The following ADAMTS7 variants were observed in gnomAD, a reference collection of about 807,000 sequenced individuals.
ADAMTS7 encodes A disintegrin and metalloproteinase with thrombospondin motifs 7.
Under a neutral mutation model 172.6 loss-of-function variants are expected in ADAMTS7, and 89 were observed. The ratio of observed to expected loss-of-function variants is 0.52; its 90% confidence interval spans 0.43 to 0.61. The LOEUF (loss-of-function observed/expected upper bound fraction) is 0.61. Among genes scored for constraint, ADAMTS7 ranks in the 20% least tolerant of loss-of-function variants. The probability of loss-of-function intolerance (pLI) is 0.00; values close to 1 mark genes in which losing one functional copy is unlikely to be tolerated. For missense variants in ADAMTS7, 1,973 were observed against 2,355.6 expected, an observed-to-expected ratio of 0.84 and a Z score of 3.36; for synonymous variants, 885 against 978.4, an observed-to-expected ratio of 0.90 and a Z score of 1.78.
chr15:78,786,003 C>T (rs1490975558), intron 8 of ADAMTS7, among the ~76,000 whole-genome samples: 1 of 150,136 alleles, frequency 6.7e-6, no homozygotes, highest in Non-Finnish European at 1.5e-5. Flanking sequence ...GATCTTGGCT[C>T]ACTGCAACCT....
intron 4 of ADAMTS7, among the ~76,000 whole-genome samples, chr15:78,794,131 C>T (rs904879686): frequency 6.6e-6 from 1 of 152,168 alleles, no homozygotes; most frequent in Non-Finnish European, 1.5e-5. Context: ...CCCAGCTACT[C>T]AGGAGACTGA....
At chr15:78,805,941 A>C (rs1191550006) in intron 1 of ADAMTS7, among the ~76,000 whole-genome samples, 1 of 151,828 alleles carries the variant, frequency 6.6e-6, no homozygotes, top group Non-Finnish European at 1.5e-5. Context: ...TTAGCCAGGC[A>C]TGGTGGTGTA....
intron 2 of ADAMTS7, among the ~76,000 whole-genome samples, chr15:78,799,644 G>C: frequency 6.6e-6 from 1 of 151,740 alleles, no homozygotes; most frequent in Non-Finnish European, 1.5e-5. Context: ...TGCTTTTTCA[G>C]TTACTTAGTC....
At position 78,789,796 on chromosome 15, in the gene ADAMTS7, C is replaced by T. The variant is rs536138357; in HGVS notation, c.1071G>A (p.Leu357=). The change falls in exon 7 of 24, where the codon CTG becomes CTA. Residue 357 remains leucine, a synonymous_variant. Transcript: ENST00000388820. ...ACATGCCCGCCACATGGGACAGTCC[C>T]AGGGTCTCACAGGGCCGGTTCATGG... The part of the protein sequence containing the change: ...CAAMNRPCET[L]GLSHVAGMCQ... 3 of 1,606,868 alleles carry T rather than the reference C, an allele frequency of 1.9e-6. No homozygotes were observed. Among genetic ancestry groups the T allele is most frequent in the East Asian group, 2.2e-5 (1 of 44,590 alleles).
At position 78,776,242 on chromosome 15, in the gene ADAMTS7, G is replaced by A. The variant is rs1301198880; in HGVS notation, c.1652C>T (p.Ser551Leu). ...CTGTACGCCCATGCCACAGCTCCGTGAGCAGATGGACCAGGCGCTCCAGCC... is the reference window on the plus strand; with the variant it reads ...CTGTACGCCCATGCCACAGCTCCGTAAGCAGATGGACCAGGCGCTCCAGCC... ...WSGWSAWSIC[S>L]RSCGMGVQSA... Residue 551 changes from serine (S) to leucine (L), a missense_variant, in exon 11 of 24, where the codon TCA becomes TTA. Ser to Leu is a moderately radical substitution (Grantham distance 145, BLOSUM62 -2). Transcript: ENST00000388820. 6.8e-6 allele frequency: 11 copies of A among 1,611,674 alleles called. No homozygotes were observed. In the East Asian group the frequency reaches 8.9e-5, roughly 13 times the overall value.
At chr15:78,777,987 G>C (rs2141493173) in intron 8 of ADAMTS7, among the ~76,000 whole-genome samples, 1 of 152,324 alleles carries the variant, frequency 6.6e-6, no homozygotes, top group East Asian at 1.9e-4. Flanking sequence ...TCACATCACA[G>C]TTGACACAAC....
chr15:78,798,575 C>T (rs2055677067), intron 2 of ADAMTS7, among the ~76,000 whole-genome samples: 1 of 152,318 alleles, frequency 6.6e-6, no homozygotes, highest in East Asian at 1.9e-4. Context: ...CTCTATCTCC[C>T]TAAGGCAATG....
intron 3 of ADAMTS7, 143 bp downstream of exon 3, chr15:78,797,805 T>C: frequency 2.1e-6 from 2 of 963,940 alleles, no homozygotes; most frequent in African/African-American, 1.7e-5. Flanking sequence ...GGGCACAGGC[T>C]ATGGTAAAGT....
At chr15:78,804,869 A>G (rs897629711) in intron 1 of ADAMTS7, among the ~76,000 whole-genome samples, 3 of 152,234 alleles carry the variant, frequency 2.0e-5, no homozygotes, top group African/African-American at 7.2e-5. Context: ...AGACTCACTA[A>G]ATCAGCATTT....
intron 8 of ADAMTS7, among the ~76,000 whole-genome samples, chr15:78,778,614 G>A (rs1351258493): frequency 1.3e-5 from 2 of 152,184 alleles, no homozygotes; most frequent in African/African-American, 2.4e-5. Context: ...GGCTGGGGAC[G>A]ACCCAGGCAG....
chr15:78,805,527 T>A (rs1195352865), intron 1 of ADAMTS7, among the ~76,000 whole-genome samples: 2 of 152,202 alleles, frequency 1.3e-5, no homozygotes, highest in Non-Finnish European at 2.9e-5. Context: ...TTCCCAGTAC[T>A]GTGGCTGCAA....
At position 78,762,609 on chromosome 15, in the gene ADAMTS7, T is replaced by C. The variant is rs368156334; in HGVS notation, c.4741-44A>G. The C allele has an allele frequency of 1.8e-4, 229 of 1,238,330 alleles. 15 individuals carry two copies. The highest frequency in any genetic ancestry group is 2.3e-4 in the Non-Finnish European group (215 of 917,284). The allele number at this position is 1,238,330 out of a possible 1,614,324, so 76.7% of individuals were successfully genotyped here. On this transcript the variant is annotated intron_variant, in intron 22 of 23. Coordinates refer to ENST00000388820, the MANE Select transcript of ADAMTS7 (RefSeq NM_014272.5). ...GAATGAGTGTCTCCAGGGCCAGCCC[T>C]AGCAGTGGGGGCAGGGACACCTCCT...
At chr15:78,800,976 G>T (rs1428800886) in intron 1 of ADAMTS7, among the ~76,000 whole-genome samples, 1 of 152,068 alleles carries the variant, frequency 6.6e-6, no homozygotes, top group Non-Finnish European at 1.5e-5. Flanking sequence ...CCTGAACTCA[G>T]GTGATACGCT....
Position 78,766,634 on chromosome 15 carries a change from C to T in ADAMTS7, c.3277G>A (p.Asp1093Asn). Residue 1093 changes from aspartate (D) to asparagine (N), a missense_variant, in exon 19 of 24, where the codon GAC becomes AAC. Physicochemically the swap from Asp to Asn is conservative, Grantham distance 23 (BLOSUM62 1). Coordinates refer to ENST00000388820, the MANE Select transcript of ADAMTS7 (RefSeq NM_014272.5). ...EPDLDLAGTG[D>N]RTPPPHSHPA... ...TGGCTGTGTGGTGGGGGTGTCCGGT[C>T]CCCTGTCCCCGCCAGGTCTAGATCG... is the stretch of plus-strand genomic sequence containing the variant. 3.1e-6 allele frequency: 5 copies of T among 1,609,448 alleles called. No individual in the cohort carries two copies. Among genetic ancestry groups the T allele is most frequent in the Non-Finnish European group, 4.2e-6 (5 of 1,179,088 alleles).
chr15:78,766,182 C>T lies in ADAMTS7; in HGVS notation c.3729G>A (p.Leu1243=), dbSNP rs748268436. The T allele has an allele frequency of 6.2e-7, 1 of 1,611,670 alleles. No individual in the cohort carries two copies. The highest frequency in any genetic ancestry group is 1.1e-5 in the South Asian group (1 of 90,992). ...AGGAGTGGGTGCTGCCAACAGGGGA[C>T]AAAGGGGGCAGCGTGGAGCTGGGTC... ...PPRPSSTLPP[L]SPVGSTHSSP... The change falls in exon 19 of 24, where the codon TTG becomes TTA. Residue 1243 remains leucine, a synonymous_variant. Coordinates refer to ENST00000388820, the MANE Select transcript of ADAMTS7 (RefSeq NM_014272.5).
In ADAMTS7 at chr15:78,782,730, G is replaced by A. The variant is rs553251218; in HGVS notation, c.1323-5142C>T. Among the ~76,000 whole-genome samples, 382 of 152,088 alleles carry A rather than the reference G, an allele frequency of 2.5e-3. 2 individuals carry two copies. Among genetic ancestry groups the A allele is most frequent in the African/African-American group, 8.3e-3 (343 of 41,432 alleles). On this transcript the variant is annotated intron_variant, in intron 8 of 23. Transcript: ENST00000388820. ...AGGAACCACCCAGAAGGAGAAGCCC[G>A]GAAAGGCTCAGGAATGGAGTTTCCA... is the stretch of plus-strand genomic sequence containing the variant.
chr15:78,766,031 G>A lies in ADAMTS7; in HGVS notation c.3880C>T (p.Pro1294Ser). The change falls in exon 19 of 24, where the codon CCT becomes TCT. Residue 1294 changes from proline to serine, a missense_variant. By Grantham distance (74) the Pro-to-Ser change is moderately conservative. Coordinates refer to ENST00000388820, the MANE Select transcript of ADAMTS7 (RefSeq NM_014272.5). Reference protein sequence around the residue: ...WPTVGVASLLPPPIAPLPEMK... With the variant: ...WPTVGVASLLSPPIAPLPEMK... ...TCTGGCAGAGGGGCTATGGGAGGAG[G>A]AAGGAGAGAAGCCACCCCAACAGTG... 2 of 1,603,794 alleles carry A rather than the reference G, an allele frequency of 1.2e-6. No homozygotes were observed. The highest frequency in any genetic ancestry group is 1.7e-6 in the Non-Finnish European group (2 of 1,179,806).
chr15:78,762,126 C>A (rs1407610455), intron 23 of ADAMTS7: 1 of 961,348 alleles, frequency 1.0e-6, no homozygotes, highest in Non-Finnish European at 1.2e-6. Flanking sequence ...CACAGCAAAT[C>A]AGGGGCCAGG....
intron 8 of ADAMTS7, among the ~76,000 whole-genome samples, chr15:78,782,503 T>A (rs2904219): frequency 1.5e-5 from 2 of 131,670 alleles, no homozygotes; most frequent in African/African-American, 5.5e-5. Context: ...AAATATGGCA[T>A]GTTGAGCAGA....
Sources: allele counts gnomAD v4.1 joint callset (sites outside exome capture counted in the v4.1 genomes callset), GRCh38; gene constraint gnomAD v4.1.1; transcripts MANE v1.5; gene names NCBI Gene and HGNC (gene_info 2026-07-23, HGNC 2026-07-21).